The following GRM5 variants were observed in gnomAD, a reference collection of about 807,000 sequenced individuals.
The protein encoded by GRM5 is glutamate metabotropic receptor 5.
Under a neutral mutation model 83.1 loss-of-function variants are expected in GRM5, and 19 were observed. The observed-to-expected ratio is 0.23, with a 90% confidence interval of 0.16 to 0.34. The LOEUF is 0.34. Ranked by LOEUF, GRM5 falls within the 10% of genes least tolerant of loss-of-function variation. The probability of loss-of-function intolerance (pLI) is 1.00; values close to 1 mark genes in which losing one functional copy is unlikely to be tolerated. For missense variants in GRM5, 1,160 were observed against 1,588.3 expected, an observed-to-expected ratio of 0.73 and a Z score of 4.58; for synonymous variants, 675 against 633.6, an observed-to-expected ratio of 1.07 and a Z score of -0.98.
intron 2 of GRM5, among the ~76,000 whole-genome samples, chr11:88,932,447 T>C (rs1419074950): frequency 2.6e-5 from 4 of 152,030 alleles, no homozygotes; most frequent in Non-Finnish European, 5.9e-5. Context: ...GCTAGTGATA[T>C]GGAAATTTTC....
At chr11:88,569,957 G>A (rs1402297545) in intron 7 of GRM5, among the ~76,000 whole-genome samples, 2 of 152,132 alleles carry the variant, frequency 1.3e-5, no homozygotes, top group Non-Finnish European at 2.9e-5. Flanking sequence ...TGACAGCAAG[G>A]AAGCATGTAG....
At chr11:89,022,394 G>A (rs11018431) in intron 2 of GRM5, among the ~76,000 whole-genome samples, 1 of 151,670 alleles carries the variant, frequency 6.6e-6, no homozygotes, top group South Asian at 2.1e-4. Context: ...TGTAATCCCA[G>A]CACTTTGGGA....
At chr11:88,940,168 T>G (rs1938041763) in intron 2 of GRM5, among the ~76,000 whole-genome samples, 1 of 151,864 alleles carries the variant, frequency 6.6e-6, no homozygotes, top group African/African-American at 2.4e-5. Flanking sequence ...TGCCCAGGCC[T>G]TAGGTGATAT....
At chr11:88,882,444 C>T (rs1276638223) in intron 2 of GRM5, among the ~76,000 whole-genome samples, 3 of 150,126 alleles carry the variant, frequency 2.0e-5, no homozygotes, top group African/African-American at 4.9e-5. Flanking sequence ...ACCTGTAGTC[C>T]CAGCTACTCG....
At chr11:88,529,981 A>G (rs1036538542) in intron 8 of GRM5, among the ~76,000 whole-genome samples, 1 of 152,070 alleles carries the variant, frequency 6.6e-6, no homozygotes. Context: ...AAGTGGACAT[A>G]TTCAGCAGAC....
intron 2 of GRM5, among the ~76,000 whole-genome samples, chr11:89,040,475 C>G (rs1299577489): frequency 6.6e-6 from 1 of 152,030 alleles, no homozygotes; most frequent in Non-Finnish European, 1.5e-5. Flanking sequence ...TTCAGGAGGC[C>G]AAGGCAGGTG....
intron 7 of GRM5, among the ~76,000 whole-genome samples, chr11:88,578,120 G>T (rs1008682385): frequency 9.9e-5 from 15 of 152,062 alleles, no homozygotes; most frequent in African/African-American, 3.6e-4. Context: ...GTTTAGGTAT[G>T]TGTTGCCCCA....
chr11:88,731,951 T>C (rs1039962741), intron 3 of GRM5, among the ~76,000 whole-genome samples: 5 of 152,110 alleles, frequency 3.3e-5, no homozygotes, highest in Admixed American at 6.6e-5. Context: ...ATGCTCAGTA[T>C]AAATGATGCC....
chr11:88,743,596 G>A (rs1264546002), intron 3 of GRM5, among the ~76,000 whole-genome samples: 2 of 152,078 alleles, frequency 1.3e-5, no homozygotes, highest in African/African-American at 4.8e-5. Flanking sequence ...GACTCTCACA[G>A]GCTGAATGGG....
rs1565350291 is a variant in GRM5 at position 89,046,578 on chromosome 11, A to G, written c.661+634T>C. Among the ~76,000 whole-genome samples, 9 of 152,350 alleles carry G rather than the reference A, an allele frequency of 5.9e-5. No individual in the cohort carries two copies. The South Asian group carries it at 1.9e-3, about 32-fold the overall frequency. ...TTTCTTTCCTCACTATTCTTGGAGC[A>G]CAAAGAAGCAATAAATTTTAAAACA... On this transcript the variant is annotated intron_variant, in intron 2 of 9. Transcript: ENST00000305447.
chr11:89,037,387 T>C (rs1171976526), intron 2 of GRM5, among the ~76,000 whole-genome samples: 2 of 152,054 alleles, frequency 1.3e-5, no homozygotes, highest in African/African-American at 4.8e-5. Flanking sequence ...CTGATGCGTA[T>C]ACCATTTACC....
At chr11:88,883,837 C>T (rs900321985) in intron 2 of GRM5, among the ~76,000 whole-genome samples, 1 of 152,178 alleles carries the variant, frequency 6.6e-6, no homozygotes, top group Non-Finnish European at 1.5e-5. Context: ...GCAACTTACA[C>T]ATGGTGTTGG....
At chr11:88,716,960 T>C (rs1214541376) in intron 3 of GRM5, among the ~76,000 whole-genome samples, 1 of 151,982 alleles carries the variant, frequency 6.6e-6, no homozygotes. Context: ...AGTTCAGGTG[T>C]GGCTAACTCA....
intron 3 of GRM5, among the ~76,000 whole-genome samples, chr11:88,682,010 A>G (rs530850455): frequency 7.2e-5 from 11 of 152,296 alleles, no homozygotes; most frequent in African/African-American, 2.4e-4. Flanking sequence ...TATGAAAAAT[A>G]TACTGTTCAC....
chr11:88,838,510 A>G (rs1244677839), intron 3 of GRM5, among the ~76,000 whole-genome samples: 1 of 152,210 alleles, frequency 6.6e-6, no homozygotes, highest in Non-Finnish European at 1.5e-5. Context: ...GATGGAGAAG[A>G]ATATTTGGTC....
At chr11:88,777,091 T>C (rs1942870706) in intron 3 of GRM5, among the ~76,000 whole-genome samples, 1 of 152,198 alleles carries the variant, frequency 6.6e-6, no homozygotes. Flanking sequence ...AAACGTAGAT[T>C]TGGTCTTTTC....
At chr11:88,625,913 G>A (rs996917195) in intron 4 of GRM5, among the ~76,000 whole-genome samples, 9 of 152,240 alleles carry the variant, frequency 5.9e-5, no homozygotes, top group South Asian at 4.1e-4. Context: ...GATTTCTCCC[G>A]TGCCACAGTC....
intron 8 of GRM5, among the ~76,000 whole-genome samples, chr11:88,529,943 T>C (rs1189741065): frequency 6.6e-6 from 1 of 151,974 alleles, no homozygotes; most frequent in African/African-American, 2.4e-5. Flanking sequence ...TTTTGGAATA[T>C]TTGATTTGAG....
intron 3 of GRM5, among the ~76,000 whole-genome samples, chr11:88,807,392 CTTTAT>C (rs974296412): frequency 6.6e-6 from 1 of 152,076 alleles, no homozygotes; most frequent in Admixed American, 6.5e-5. Context: ...AATCTTGTCA[CTTTAT>C]TTTATTTTAG....
Sources: allele counts gnomAD v4.1 joint callset (sites outside exome capture counted in the v4.1 genomes callset), GRCh38; gene constraint gnomAD v4.1.1; transcripts MANE v1.5; gene names NCBI Gene and HGNC (gene_info 2026-07-23, HGNC 2026-07-21).